Variants in CSMD1 observed in about 807,000 individuals in gnomAD.
CSMD1 encodes CUB and sushi domain-containing protein 1.
Under a neutral mutation model 417.5 loss-of-function variants are expected in CSMD1, and 213 were observed. The ratio of observed to expected loss-of-function variants is 0.51; its 90% CI spans 0.46 to 0.57. The LOEUF is 0.57. Among genes scored for constraint, CSMD1 ranks in the 20% least tolerant of loss-of-function variants. The pLI is 0.00. For missense variants in CSMD1, 6,923 were observed against 4,529.7 expected (o/e 1.53, Z -15.17); for synonymous variants, 2,862 against 1,736.8 (o/e 1.65, Z -16.11).
intron 3 of CSMD1, among the ~76,000 whole-genome samples, chr8:4,147,664 G>A (rs1384848188): frequency 1.3e-5 from 2 of 152,108 alleles, no homozygotes; most frequent in Non-Finnish European, 2.9e-5. Flanking sequence ...GCTGGCTCAT[G>A]GGAACCCCAT....
chr8:3,397,819 G>A (rs1408984464), intron 16 of CSMD1, among the ~76,000 whole-genome samples: 1 of 152,084 alleles, frequency 6.6e-6, no homozygotes, highest in Non-Finnish European at 1.5e-5. Context: ...CTTTGCTGTT[G>A]GGCAGCCTAA....
intron 6 of CSMD1, among the ~76,000 whole-genome samples, chr8:3,715,521 G>A (rs985882659): frequency 2.0e-5 from 3 of 151,964 alleles, no homozygotes; most frequent in African/African-American, 7.3e-5. Context: ...TACAAACTAA[G>A]ACAAAGCAAG....
At chr8:4,590,550 C>A in intron 2 of CSMD1, among the ~76,000 whole-genome samples, 1 of 151,790 alleles carries the variant, frequency 6.6e-6, no homozygotes, top group East Asian at 1.9e-4. Context: ...ACACCTCTCC[C>A]TATATGCTTT....
At chr8:4,363,385 G>A (rs1054117713) in intron 3 of CSMD1, among the ~76,000 whole-genome samples, 13 of 152,062 alleles carry the variant, frequency 8.5e-5, no homozygotes, top group Admixed American at 3.3e-4. Context: ...TGCTTTATAC[G>A]TAAGAGGGAT....
intron 3 of CSMD1, among the ~76,000 whole-genome samples, chr8:4,309,243 T>C (rs1798426079): frequency 6.6e-6 from 1 of 152,058 alleles, no homozygotes; most frequent in Non-Finnish European, 1.5e-5. Context: ...GACCCATAAT[T>C]TTAATTAATT....
intron 26 of CSMD1, among the ~76,000 whole-genome samples, chr8:3,273,101 G>A (rs910341539): frequency 1.1e-4 from 17 of 152,096 alleles, no homozygotes; most frequent in South Asian, 1.0e-3. Context: ...TTTGAGATAC[G>A]TCCCATCAAT....
chr8:3,984,350 C>A (rs1342496914), intron 5 of CSMD1, among the ~76,000 whole-genome samples: 1 of 152,088 alleles, frequency 6.6e-6, no homozygotes, highest in Non-Finnish European at 1.5e-5. Flanking sequence ...AAAATGCTGA[C>A]GACAGATCAT....
Position 4,736,101 on chromosome 8 carries a change from G to C in CSMD1, c.86-98543C>G, listed in dbSNP as rs145039279. Among the ~76,000 whole-genome samples, 529 of 152,188 alleles carry C rather than the reference G, an allele frequency of 3.5e-3. 1 individual carries two copies. Among genetic ancestry groups the C allele is most frequent in the African/African-American group, 0.012 (511 of 41,518 alleles). The stretch of plus-strand genomic sequence containing the variant: ...TGCCTGATTTTCATTGGAAAGCTTT[G>C]TTTCTCACGAGCTGTGAGGTGTTTC... On this transcript the variant is annotated intron_variant, in intron 1 of 69. Coordinates refer to ENST00000635120, the MANE Select transcript of CSMD1 (RefSeq NM_033225.6).
chr8:3,698,628 A>T (rs1282404617), intron 7 of CSMD1, among the ~76,000 whole-genome samples: 1 of 152,186 alleles, frequency 6.6e-6, no homozygotes. Context: ...CGTCCCTAAA[A>T]GCAAGACCTG....
intron 3 of CSMD1, among the ~76,000 whole-genome samples, chr8:4,328,242 A>ATTT (rs3067534): frequency 2.7e-4 from 34 of 124,692 alleles, no homozygotes; most frequent in Non-Finnish European, 2.8e-4. Context: ...ACTCAATACA[A>ATTT]TTTTTTTTTT....
chr8:4,467,834 A>C (rs1466649609), intron 2 of CSMD1, among the ~76,000 whole-genome samples: 1 of 152,208 alleles, frequency 6.6e-6, no homozygotes, highest in African/African-American at 2.4e-5. Context: ...AACTCAATGA[A>C]ATAATTGGAC....
At chr8:4,181,183 GAATA>G (rs1219437758) in intron 3 of CSMD1, among the ~76,000 whole-genome samples, 7 of 152,118 alleles carry the variant, frequency 4.6e-5, no homozygotes, top group African/African-American at 1.2e-4. Flanking sequence ...AGAAAGCATT[GAATA>G]AATAGACATC....
intron 17 of CSMD1, 55 bp downstream of exon 17, chr8:3,396,139 T>A: frequency 6.9e-7 from 1 of 1,455,732 alleles, no homozygotes; most frequent in East Asian, 2.5e-5. Flanking sequence ...ACCCAGATCT[T>A]TAGTTCTCCC....
intron 26 of CSMD1, among the ~76,000 whole-genome samples, chr8:3,251,066 A>C (rs1800218934): frequency 2.0e-5 from 3 of 152,168 alleles, no homozygotes; most frequent in South Asian, 4.2e-4. Flanking sequence ...TCTTTAGTTT[A>C]ATTAGATCCC....
At chr8:3,422,527 C>G (rs1474887399) in intron 12 of CSMD1, among the ~76,000 whole-genome samples, 1 of 152,056 alleles carries the variant, frequency 6.6e-6, no homozygotes, top group African/African-American at 2.4e-5. Flanking sequence ...CTGAAGAAAT[C>G]TATTGTAAGA....
intron 3 of CSMD1, among the ~76,000 whole-genome samples, chr8:4,281,337 C>T (rs975393181): frequency 6.6e-6 from 1 of 152,166 alleles, no homozygotes; most frequent in African/African-American, 2.4e-5. Flanking sequence ...TGGTCCCAGG[C>T]CCACAGAGTA....
intron 5 of CSMD1, among the ~76,000 whole-genome samples, chr8:3,762,100 C>G (rs544638174): frequency 6.6e-6 from 1 of 152,284 alleles, no homozygotes. Context: ...CTCCCACTCA[C>G]TCCAGCTTGG....
At chr8:3,554,194 C>T (rs1171557065) in intron 10 of CSMD1, among the ~76,000 whole-genome samples, 3 of 152,092 alleles carry the variant, frequency 2.0e-5, no homozygotes, top group South Asian at 4.1e-4. Context: ...TGGATATAGC[C>T]ATTTAAGGCA....
intron 3 of CSMD1, among the ~76,000 whole-genome samples, chr8:4,183,006 T>C (rs1296802138): frequency 6.6e-6 from 1 of 152,058 alleles, no homozygotes; most frequent in South Asian, 2.1e-4. Context: ...AAGTAAAGAG[T>C]AATTACATGG....
Sources: allele counts gnomAD v4.1 joint callset (sites outside exome capture counted in the v4.1 genomes callset), GRCh38; gene constraint gnomAD v4.1.1; transcripts MANE v1.5; gene names NCBI Gene and HGNC (gene_info 2026-07-23, HGNC 2026-07-21).